Variants in ADCY8 observed in about 807,000 individuals in gnomAD.
The protein encoded by ADCY8 is adenylate cyclase 8, also known as adenylate cyclase type 8.
A neutral mutation model predicts 119.7 loss-of-function variants in ADCY8; 51 were observed. The observed-to-expected ratio is 0.43, with a 90% CI of 0.34 to 0.54. ADCY8 has a LOEUF of 0.54. ADCY8 is among the 20% of genes least tolerant of loss of function. ADCY8 has a pLI of 0.03. For synonymous variants in ADCY8, 665 were observed against 651.0 expected, an observed-to-expected ratio of 1.02 and a Z score of -0.33; for missense variants, 1,383 against 1,598.8, an observed-to-expected ratio of 0.87 and a Z score of 2.30.
intron 11 of ADCY8, 54 bp downstream of exon 11, chr8:130,847,370 G>A: frequency 7.5e-7 from 1 of 1,338,412 alleles, no homozygotes; most frequent in Non-Finnish European, 1.1e-6. Context: ...ATTTGGAGCT[G>A]GTAGAGATAT....
intron 5 of ADCY8, among the ~76,000 whole-genome samples, chr8:130,912,240 C>G (rs1820003564): frequency 6.6e-6 from 1 of 152,168 alleles, no homozygotes; most frequent in South Asian, 2.1e-4. Context: ...CTCCTGTAAA[C>G]TAATTGAGAA....
intron 3 of ADCY8, among the ~76,000 whole-genome samples, chr8:130,947,957 C>T (rs1188894766): frequency 6.6e-6 from 1 of 152,120 alleles, no homozygotes; most frequent in Non-Finnish European, 1.5e-5. Context: ...TCTAGGTGGG[C>T]ACCTGGAATT....
At chr8:130,904,078 G>A in intron 6 of ADCY8, 36 bp from the exon 7 acceptor site, 2 of 1,571,926 alleles carry the variant, frequency 1.3e-6, no homozygotes, top group South Asian at 1.2e-5. Flanking sequence ...ACACACTCCT[G>A]ATGTTGCCTG....
chr8:130,870,489 C>T (rs1165343220), intron 8 of ADCY8, among the ~76,000 whole-genome samples: 1 of 152,102 alleles, frequency 6.6e-6, no homozygotes. Flanking sequence ...ATCCGATGAC[C>T]TTCTCTGCTT....
intron 17 of ADCY8, among the ~76,000 whole-genome samples, chr8:130,782,631 G>A (rs1815120648): frequency 1.3e-5 from 2 of 152,122 alleles, no homozygotes. Flanking sequence ...TTTATTCCTG[G>A]TTCAATTGTG....
At chr8:130,953,262 TC>T (rs1383394421) in intron 2 of ADCY8, among the ~76,000 whole-genome samples, 2 of 152,174 alleles carry the variant, frequency 1.3e-5, no homozygotes, top group Non-Finnish European at 2.9e-5. Flanking sequence ...ATAAAATTTT[TC>T]TTGGTCTATG....
At chr8:131,022,555 T>A (rs1252865173) in intron 1 of ADCY8, among the ~76,000 whole-genome samples, 1 of 152,200 alleles carries the variant, frequency 6.6e-6, no homozygotes, top group Non-Finnish European at 1.5e-5. Context: ...TAAAGAAAGA[T>A]GGTGAACTAT....
Position 131,005,775 on chromosome 8 carries a change from C to A in ADCY8, c.961-15233G>T, listed in dbSNP as rs117971578. Among the ~76,000 whole-genome samples, 1,357 of 152,242 alleles carry A rather than the reference C, an allele frequency of 8.9e-3. 10 individuals carry two copies. Among genetic ancestry groups the A allele is most frequent in the Middle Eastern group, 0.014 (4 of 294 alleles). ...GAGCTCTTGTGAGGGCCTGGTGATA[C>A]CATCCCTCCCCTTGCCCCTTCAGGC... On this transcript the variant is annotated intron_variant, in intron 1 of 17. Coordinates refer to ENST00000286355, the MANE Select transcript of ADCY8 (RefSeq NM_001115.3).
At chr8:130,968,153 A>C (rs1821817452) in intron 2 of ADCY8, among the ~76,000 whole-genome samples, 1 of 152,068 alleles carries the variant, frequency 6.6e-6, no homozygotes, top group African/African-American at 2.4e-5. Context: ...ATCATAAAAA[A>C]AATGACTAAA....
At chr8:130,969,302 G>C (rs1010492498) in intron 2 of ADCY8, among the ~76,000 whole-genome samples, 1 of 152,092 alleles carries the variant, frequency 6.6e-6, no homozygotes, top group East Asian at 1.9e-4. Flanking sequence ...TGCAACATTG[G>C]CTCTTTCCTC....
chr8:130,846,636 TTCCTTCCC>T (rs150705070), intron 11 of ADCY8, among the ~76,000 whole-genome samples: 10 of 109,264 alleles, frequency 9.2e-5, no homozygotes, highest in South Asian at 1.1e-3. Context: ...TTCCTTCTCC[TTCCTTCCC>T]TCCTTCCTTC....
At chr8:130,941,707 C>G (rs1308274860) in intron 4 of ADCY8, among the ~76,000 whole-genome samples, 2 of 152,134 alleles carry the variant, frequency 1.3e-5, no homozygotes, top group Non-Finnish European at 2.9e-5. Context: ...GAAATTTATA[C>G]TAAGGTTGCT....
intron 3 of ADCY8, among the ~76,000 whole-genome samples, chr8:130,944,064 GC>G (rs1313587288): frequency 1.3e-5 from 2 of 152,146 alleles, no homozygotes; most frequent in Non-Finnish European, 2.9e-5. Context: ...TATGTATATG[GC>G]CTGGTATAAG....
intron 14 of ADCY8, among the ~76,000 whole-genome samples, chr8:130,804,005 G>A (rs1815865274): frequency 6.6e-6 from 1 of 152,186 alleles, no homozygotes; most frequent in South Asian, 2.1e-4. Context: ...GGCTTTCAAA[G>A]GTGGATTTCT....
intron 3 of ADCY8, among the ~76,000 whole-genome samples, chr8:130,944,122 T>TG (rs1187787718): frequency 1.3e-5 from 2 of 152,160 alleles, no homozygotes; most frequent in African/African-American, 4.8e-5. Flanking sequence ...GTTACTCTCT[T>TG]GGTTAAGCCA....
chr8:131,013,426 G>A (rs1243075045), intron 1 of ADCY8, among the ~76,000 whole-genome samples: 1 of 152,148 alleles, frequency 6.6e-6, no homozygotes, highest in Non-Finnish European at 1.5e-5. Context: ...TAGGTCTGAA[G>A]CTCCCGGGTT....
At chr8:130,961,918 C>T (rs768444855) in intron 2 of ADCY8, among the ~76,000 whole-genome samples, 5 of 152,046 alleles carry the variant, frequency 3.3e-5, no homozygotes, top group South Asian at 2.1e-4. Flanking sequence ...AAGGCTGCAG[C>T]GAGCTATGAT....
intron 2 of ADCY8, among the ~76,000 whole-genome samples, chr8:130,973,828 A>G (rs1586620825): frequency 6.6e-6 from 1 of 152,326 alleles, no homozygotes; most frequent in East Asian, 1.9e-4. Context: ...GCAAAAAAGC[A>G]TATTTTATAG....
chr8:130,919,772 T>C (rs1355942817), intron 5 of ADCY8, among the ~76,000 whole-genome samples: 1 of 152,140 alleles, frequency 6.6e-6, no homozygotes, highest in Admixed American at 6.5e-5. Context: ...CTTCCCTCTG[T>C]ATGGAACAGA....
Sources: allele counts gnomAD v4.1 joint callset (sites outside exome capture counted in the v4.1 genomes callset), GRCh38; gene constraint gnomAD v4.1.1; transcripts MANE v1.5; gene names NCBI Gene and HGNC (gene_info 2026-07-23, HGNC 2026-07-21).